Variants in ECT2L observed in about 807,000 individuals in gnomAD.
The protein encoded by ECT2L is epithelial cell-transforming sequence 2 oncogene-like.
A neutral mutation model predicts 122.8 loss-of-function variants in ECT2L; 126 were observed. That is an observed-to-expected ratio of 1.03 (90% CI 0.89 to 1.19). ECT2L has a LOEUF of 1.19. Among genes scored for constraint, ECT2L ranks in the 50% most tolerant of loss-of-function variants. The pLI is 0.00. For missense variants in ECT2L, 1,012 were observed against 1,064.1 expected (o/e 0.95, Z 0.68); for synonymous variants, 385 against 381.8 (o/e 1.01, Z -0.10).
chr6:138,879,267 C>A, intron 14 of ECT2L: 1 of 232,988 alleles, frequency 4.3e-6, no homozygotes, highest in Non-Finnish European at 8.6e-6. Context: ...TGCCCACCAC[C>A]CTAAAATTAA....
intron 18 of ECT2L, 86 bp from the exon 19 acceptor site, chr6:138,886,771 A>C: frequency 1.1e-6 from 1 of 927,738 alleles, no homozygotes; most frequent in Admixed American, 2.0e-5. Flanking sequence ...CCCTGTATCA[A>C]GCGCCATAAA....
At chr6:138,870,932 AG>A (rs1400321157) in intron 13 of ECT2L, among the ~76,000 whole-genome samples, 5 of 152,068 alleles carry the variant, frequency 3.3e-5, no homozygotes, top group Non-Finnish European at 7.4e-5. Context: ...ACTTGAACCC[AG>A]GGGGGTTCAG....
At chr6:138,856,014 C>T (rs775628967) in intron 10 of ECT2L, among the ~76,000 whole-genome samples, 5 of 152,160 alleles carry the variant, frequency 3.3e-5, no homozygotes, top group Admixed American at 1.3e-4. Context: ...CCCCGAAATT[C>T]TCATCAAATG....
chr6:138,871,766 T>C lies in ECT2L; in HGVS notation c.1578+3560T>C, dbSNP rs575902796. Among the ~76,000 whole-genome samples the C allele has an allele frequency of 5.5e-4, 83 of 151,938 alleles. 1 individual carries two copies. The South Asian group carries it at 0.016, about 30-fold the overall frequency. ...GTTGTAGTGAGCCAAGATCGCGCCATTGCACTCCAGCCTGGGCCATAGAGT... is the reference window on the plus strand; with the variant it reads ...GTTGTAGTGAGCCAAGATCGCGCCACTGCACTCCAGCCTGGGCCATAGAGT... On this transcript the variant is annotated intron_variant, in intron 13 of 21. Transcript: ENST00000541398.
At chr6:138,878,683 G>T (rs922892553) in intron 14 of ECT2L, among the ~76,000 whole-genome samples, 1 of 152,132 alleles carries the variant, frequency 6.6e-6, no homozygotes, top group African/African-American at 2.4e-5. Context: ...CTGAGCTCAG[G>T]TGATCCACCC....
chr6:138,871,102 T>C (rs1778236560), intron 13 of ECT2L, among the ~76,000 whole-genome samples: 1 of 152,150 alleles, frequency 6.6e-6, no homozygotes, highest in Non-Finnish European at 1.5e-5. Flanking sequence ...TTGCCAGTAC[T>C]ATATTAGGAA....
intron 11 of ECT2L, among the ~76,000 whole-genome samples, chr6:138,864,290 C>T (rs1176071963): frequency 6.6e-6 from 1 of 152,106 alleles, no homozygotes; most frequent in African/African-American, 2.4e-5. Flanking sequence ...CCACCATACT[C>T]CAGACTGGGT....
intron 13 of ECT2L, among the ~76,000 whole-genome samples, chr6:138,870,708 T>C (rs1196992133): frequency 6.6e-6 from 1 of 151,964 alleles, no homozygotes; most frequent in East Asian, 1.9e-4. Context: ...AAGAAAAAAA[T>C]GGGTTTAAAG....
chr6:138,811,925 G>A (rs148091263), intron 1 of ECT2L, among the ~76,000 whole-genome samples: 1 of 152,220 alleles, frequency 6.6e-6, no homozygotes, highest in African/African-American at 2.4e-5. Flanking sequence ...CTGGCCTCAA[G>A]TGATCCACCC....
chr6:138,845,922 A>AT (rs1331523171), intron 7 of ECT2L, among the ~76,000 whole-genome samples: 8 of 151,958 alleles, frequency 5.3e-5, no homozygotes, highest in African/African-American at 1.9e-4. Flanking sequence ...ACCCAAAAAA[A>AT]AATCTGGGTG....
intron 1 of ECT2L, among the ~76,000 whole-genome samples, chr6:138,804,883 G>A (rs531001362): frequency 4.6e-5 from 7 of 151,988 alleles, no homozygotes; most frequent in South Asian, 4.1e-4. Flanking sequence ...AGAAAAACAC[G>A]CAGATCATGA....
At chr6:138,803,317 TACACAC>T (rs4052918) in intron 1 of ECT2L, among the ~76,000 whole-genome samples, 253 of 148,308 alleles carry the variant, frequency 1.7e-3, no homozygotes, top group African/African-American at 4.4e-3. Context: ...TATATGCATG[TACACAC>T]ACACACACAC....
chr6:138,894,671 T>C (rs753258263), intron 20 of ECT2L, among the ~76,000 whole-genome samples: 3 of 152,174 alleles, frequency 2.0e-5, no homozygotes, highest in South Asian at 2.1e-4. Flanking sequence ...CTGGAAATTG[T>C]AGACAAAGAA....
rs748539750 is a variant in ECT2L, at chr6:138,868,086, T to TG, written c.1475-15dup. The TG allele has an allele frequency of 1.3e-6, 2 of 1,527,496 alleles. No individual in the cohort carries two copies. Among genetic ancestry groups the TG allele is most frequent in the Non-Finnish European group, 1.8e-6 (2 of 1,112,778 alleles). The allele number at this position is 1,527,496 out of a possible 1,614,324, so 94.6% of individuals were successfully genotyped here. On this transcript the variant is annotated splice_polypyrimidine_tract_variant and intron_variant, in intron 12 of 21. Transcript: ENST00000541398. ...TTACATAAATCAATTACAGGGCATGTGGCCTTGTATTTACAGGGCAGTTTA... is the reference window on the plus strand; with the variant it reads ...TTACATAAATCAATTACAGGGCATGTGGGCCTTGTATTTACAGGGCAGTTTA...
intron 4 of ECT2L, among the ~76,000 whole-genome samples, chr6:138,837,819 C>T (rs1011856619): frequency 6.6e-6 from 1 of 151,936 alleles, no homozygotes; most frequent in Non-Finnish European, 1.5e-5. Flanking sequence ...ACTAGGTTTA[C>T]TCCAAGACTG....
Position 138,888,977 on chromosome 6 carries a change from T to C in ECT2L, c.2360T>C (p.Val787Ala). Residue 787 changes from valine to alanine, a missense_variant, in exon 20 of 22, where the codon GTA becomes GCA. Coordinates refer to ENST00000541398, the MANE Select transcript of ECT2L (RefSeq NM_001077706.3). Reference sequence around the variant, plus strand: ...GAAGTAAACAGATATCTGATTAGGGTACAAGATGTAGCCCAACTTCATTGC... The same window carrying C: ...GAAGTAAACAGATATCTGATTAGGGCACAAGATGTAGCCCAACTTCATTGC... Reference protein sequence around the residue: ...LSEVNRYLIRVQDVAQLHCCD... With the variant: ...LSEVNRYLIRAQDVAQLHCCD... The C allele has an allele frequency of 6.5e-7, 1 of 1,544,546 alleles. No individual in the cohort carries two copies. Among genetic ancestry groups the C allele is most frequent in the Non-Finnish European group, 8.8e-7 (1 of 1,139,534 alleles).
chr6:138,828,910 G>T (rs1351378886), intron 4 of ECT2L, among the ~76,000 whole-genome samples: 1 of 152,082 alleles, frequency 6.6e-6, no homozygotes, highest in East Asian at 1.9e-4. Flanking sequence ...GGCCAGGGGA[G>T]CCTCCTCAAG....
intron 4 of ECT2L, chr6:138,822,890 C>T: frequency 1.9e-6 from 3 of 1,613,896 alleles, no homozygotes; most frequent in Non-Finnish European, 8.5e-7. Flanking sequence ...CTGTATTCCT[C>T]ACAATAGCTT....
intron 20 of ECT2L, among the ~76,000 whole-genome samples, chr6:138,893,358 G>C (rs1265009979): frequency 2.0e-5 from 3 of 151,246 alleles, no homozygotes; most frequent in Non-Finnish European, 4.4e-5. Context: ...AAAATATTCT[G>C]GGCATATTTC....
Sources: gnomAD v4.1 joint callset for allele counts (sites outside exome capture counted in the v4.1 genomes callset) on GRCh38, gnomAD v4.1.1 for gene constraint, MANE v1.5 for transcripts, NCBI Gene and HGNC (gene_info 2026-07-23, HGNC 2026-07-21) for gene names.